The following ITGAM variants were observed in gnomAD, a reference collection of about 807,000 sequenced individuals.
ITGAM encodes the protein integrin subunit alpha M.
In ITGAM, 79 loss-of-function variants were observed where a neutral mutation model predicts 137.5. The observed-to-expected ratio is 0.57, with a 90% CI of 0.48 to 0.69. ITGAM has a LOEUF of 0.69. ITGAM is among the 30% of genes least tolerant of loss of function. The pLI is 0.00. For synonymous variants in ITGAM, 583 were observed against 592.3 expected, an observed-to-expected ratio of 0.98 and a Z score of 0.23; for missense variants, 1,343 against 1,483.5, an observed-to-expected ratio of 0.91 and a Z score of 1.56.
intron 12 of ITGAM, 81 bp from the exon 13 acceptor site, chr16:31,297,433 T>A: frequency 6.3e-7 from 1 of 1,579,636 alleles, no homozygotes; most frequent in South Asian, 1.1e-5. Flanking sequence ...CCAGCAGGCA[T>A]AACTTTTCTT....
chr16:31,293,500 A>G (rs929592430), intron 12 of ITGAM, among the ~76,000 whole-genome samples: 19 of 151,934 alleles, frequency 1.3e-4, no homozygotes, highest in Non-Finnish European at 2.8e-4. Context: ...GTTGAATAGG[A>G]ATTCTTTTCC....
Position 31,261,718 on chromosome 16 carries a change from T to C in ITGAM, c.55T>C (p.Leu19=), listed in dbSNP as rs1478486984. 1 of 1,612,514 alleles carries C rather than the reference T, an allele frequency of 6.2e-7. No individual in the cohort carries two copies. The highest frequency in any genetic ancestry group is 1.7e-5 in the Admixed American group (1 of 59,802). The part of the protein sequence containing the change: ...TALTLCHGFN[L]DTENAMTFQE... ...CTTGACCTTATGTCATGGGTTCAAC[T>C]TGGACACTGAAAACGCAATGACCTT... Residue 19 remains leucine, a synonymous_variant, in exon 2 of 30, where the codon TTG becomes CTG. Transcript: ENST00000544665.
At position 31,328,598 on chromosome 16, in the gene ITGAM, T is replaced by A. The variant is rs187558666; in HGVS notation, c.2792+368T>A. Among the ~76,000 whole-genome samples, 477 of 151,038 alleles carry A rather than the reference T, an allele frequency of 3.2e-3. 3 individuals carry two copies. Among genetic ancestry groups the A allele is most frequent in the African/African-American group, 0.011 (446 of 41,046 alleles). ...GGGTGTGTATTTGTGCATGTGTGTG[T>A]GAGGATCTATGTGCATGTGTGTCTG... On this transcript the variant is annotated intron_variant, in intron 23 of 29. Coordinates refer to ENST00000544665, the MANE Select transcript of ITGAM (RefSeq NM_000632.4).
chr16:31,275,007 C>T (rs915839496), intron 8 of ITGAM, among the ~76,000 whole-genome samples: 10 of 152,084 alleles, frequency 6.6e-5, no homozygotes, highest in African/African-American at 2.4e-4. Context: ...AAGATGGAGT[C>T]AGTTATGTCA....
At chr16:31,304,833 C>G (rs988183335) in intron 14 of ITGAM, among the ~76,000 whole-genome samples, 3 of 152,128 alleles carry the variant, frequency 2.0e-5, no homozygotes, top group African/African-American at 7.2e-5. Context: ...TATTTTTATA[C>G]CAGTACCATG....
intron 23 of ITGAM, among the ~76,000 whole-genome samples, chr16:31,328,458 G>A (rs537360848): frequency 6.6e-6 from 1 of 151,000 alleles, no homozygotes; most frequent in African/African-American, 2.4e-5. Flanking sequence ...GTCTGAGGAT[G>A]TATCTGCATG....
At chr16:31,328,807 G>A (rs1386372613) in intron 23 of ITGAM, among the ~76,000 whole-genome samples, 2 of 140,020 alleles carry the variant, frequency 1.4e-5, no homozygotes, top group Non-Finnish European at 3.1e-5. Flanking sequence ...TGTGTGTGAA[G>A]GTCTATGTGC....
At chr16:31,326,679 AG>A (rs937714883) in intron 21 of ITGAM, among the ~76,000 whole-genome samples, 176 bp from the exon 22 acceptor site, 7 of 152,098 alleles carry the variant, frequency 4.6e-5, no homozygotes, top group Non-Finnish European at 1.0e-4. Flanking sequence ...AGCCTCCCAA[AG>A]TGCTGGGATT....
At chr16:31,313,357 T>C (rs1597026885) in intron 14 of ITGAM, among the ~76,000 whole-genome samples, 1 of 151,958 alleles carries the variant, frequency 6.6e-6, no homozygotes, top group Non-Finnish European at 1.5e-5. Context: ...CATTAGGTAT[T>C]TGTCCTAATG....
rs2080564886 is a variant in ITGAM at position 31,330,416 on chromosome 16, A to T, written c.3169A>T (p.Ile1057Phe). The change falls in exon 27 of 30, where the codon ATC becomes TTC. Residue 1057 changes from isoleucine to phenylalanine, a missense_variant. Transcript: ENST00000544665. ...LKGNLSFDWY[I>F]KTSHNHLLIV... ...AGGCAACCTCTCGTTTGACTGGTAC[A>T]TCAAGGTGTGTGGGGTCCTGAGGCT... 2 of 1,613,330 alleles carry T rather than the reference A, an allele frequency of 1.2e-6. No individual in the cohort carries two copies. The highest frequency in any genetic ancestry group is 4.5e-5 in the East Asian group (2 of 44,886).
At chr16:31,300,600 T>C (rs1305769190) in intron 14 of ITGAM, among the ~76,000 whole-genome samples, 1 of 152,212 alleles carries the variant, frequency 6.6e-6, no homozygotes, top group Non-Finnish European at 1.5e-5. Context: ...CTTCAAGCCC[T>C]TAAGCTTATT....
At chr16:31,278,782 C>T (rs2079937300) in intron 12 of ITGAM, among the ~76,000 whole-genome samples, 1 of 152,126 alleles carries the variant, frequency 6.6e-6, no homozygotes. Context: ...TACATGTGCA[C>T]AACATGCAGG....
intron 11 of ITGAM, 91 bp from the exon 12 acceptor site, chr16:31,277,876 G>A: frequency 7.4e-7 from 1 of 1,351,658 alleles, no homozygotes; most frequent in South Asian, 1.4e-5. Flanking sequence ...GCAAGCGTGG[G>A]GCTGCCCCAG....
chr16:31,276,976 A>G lies in ITGAM; in HGVS notation c.1140A>G (p.Leu380=), dbSNP rs200869114. The part of the protein sequence containing the change: ...GSYDWAGGVF[L]YTSKEKSTFI... ...ATGACTGGGCTGGTGGAGTCTTTCT[A>G]TATACATCAAAGGAGAAAAGCACCT... Residue 380 remains leucine, a synonymous_variant, in exon 11 of 30, where the codon CTA becomes CTG. Coordinates refer to ENST00000544665, the MANE Select transcript of ITGAM (RefSeq NM_000632.4). The G allele has an allele frequency of 1.2e-6, 2 of 1,613,002 alleles. No homozygotes were observed. The highest frequency in any genetic ancestry group is 4.5e-5 in the East Asian group (2 of 44,872).
rs762920700 is a variant in ITGAM, at chr16:31,321,519, G to A, written c.1894G>A (p.Ala632Thr). Reference sequence around the variant, plus strand: ...CATGGAGTTCAATCCCAGGGAAGTGGCAAGGAATGTATTTGAGTGTAATGA... The same window carrying A: ...CATGGAGTTCAATCCCAGGGAAGTGACAAGGAATGTATTTGAGTGTAATGA... ...AIMEFNPREV[A>T]RNVFECNDQV... Residue 632 changes from alanine to threonine, a missense_variant, in exon 16 of 30, where the codon GCA becomes ACA. Transcript: ENST00000544665. The A allele has an allele frequency of 6.2e-7, 1 of 1,614,054 alleles. No individual in the cohort carries two copies. Among genetic ancestry groups the A allele is most frequent in the Non-Finnish European group, 8.5e-7 (1 of 1,179,904 alleles).
chr16:31,325,525 G>T lies in ITGAM; in HGVS notation c.2531G>T (p.Arg844Leu). 1.2e-6 allele frequency: 2 copies of T among 1,613,876 alleles called. No individual in the cohort carries two copies. The highest frequency in any genetic ancestry group is 1.3e-5 in the African/African-American group (1 of 74,974). The change falls in exon 21 of 30, where the codon CGC becomes CTC. Residue 844 changes from arginine (R) to leucine (L), a missense_variant. By Grantham distance (102) the Arg-to-Leu change is moderately radical (BLOSUM62 -2). Transcript: ENST00000544665. Reference sequence around the variant, plus strand: ...AACCAGCGCTCACAGCGATCCTGGCGCCTGGCCTGTGAGTCTGCCTCCTCC... The same window carrying T: ...AACCAGCGCTCACAGCGATCCTGGCTCCTGGCCTGTGAGTCTGCCTCCTCC... The part of the protein sequence containing the change: ...LQNQRSQRSW[R>L]LACESASSTE...
At chr16:31,330,848 GAGACAGAGACAGTGAGAGATGGAGAT>G (rs1014047195) in intron 28 of ITGAM, among the ~76,000 whole-genome samples, 88 of 142,282 alleles carry the variant, frequency 6.2e-4, no homozygotes, top group African/African-American at 2.4e-3. Context: ...GATAGAGATA[GAGACAGAGACAGTGAGAGATGGAGAT>G]AGACAGAGAG....
Position 31,266,050 on chromosome 16 carries a change from C to T in ITGAM, c.330C>T (p.His110=). 1 of 1,613,820 alleles carries T rather than the reference C, an allele frequency of 6.2e-7. No homozygotes were observed. Among genetic ancestry groups the T allele is most frequent in the Non-Finnish European group, 8.5e-7 (1 of 1,179,822 alleles). The change falls in exon 5 of 30, where the codon CAC becomes CAT. Residue 110 remains histidine (H), a synonymous_variant. Transcript: ENST00000544665. Reference sequence around the variant, plus strand: ...CCTAGGCCTGTGGTCCCACCGTGCACCAGACTTGCAGTGAGAACACGTATG... The same window carrying T: ...CCTAGGCCTGTGGTCCCACCGTGCATCAGACTTGCAGTGAGAACACGTATG... The part of the protein sequence containing the change: ...PQLLACGPTV[H]QTCSENTYVK...
chr16:31,304,809 T>C (rs1281399381), intron 14 of ITGAM, among the ~76,000 whole-genome samples: 2 of 152,222 alleles, frequency 1.3e-5, no homozygotes, highest in African/African-American at 4.8e-5. Context: ...TTTTGTTCCA[T>C]TGGTCTAAGT....
Sources: allele counts gnomAD v4.1 joint callset (sites outside exome capture counted in the v4.1 genomes callset), GRCh38; gene constraint gnomAD v4.1.1; transcripts MANE v1.5; gene names NCBI Gene and HGNC (gene_info 2026-07-23, HGNC 2026-07-21).